KIRREL3: variants seen among roughly 807,000 people sequenced by gnomAD.
The protein encoded by KIRREL3 is kin of IRRE-like protein 3.
A neutral mutation model predicts 89.7 loss-of-function variants in KIRREL3; 36 were observed. That is an observed-to-expected ratio of 0.40 (90% CI 0.31 to 0.53). The LOEUF (loss-of-function observed/expected upper bound fraction) is 0.53, where lower values mean the gene tolerates loss of function less well. KIRREL3 is among the 20% of genes least tolerant of loss of function. KIRREL3 has a pLI of 0.49. For missense variants in KIRREL3, 864 were observed against 1,056.6 expected (o/e 0.82, Z 2.53); for synonymous variants, 445 against 441.4 (o/e 1.01, Z -0.10).
At chr11:126,926,443 G>T (rs547988672) in intron 1 of KIRREL3, among the ~76,000 whole-genome samples, 1 of 152,156 alleles carries the variant, frequency 6.6e-6, no homozygotes, top group South Asian at 2.1e-4. Flanking sequence ...TTGGAGCCAC[G>T]CACCTTCCTC....
At chr11:126,804,021 G>A (rs781161572) in intron 1 of KIRREL3, among the ~76,000 whole-genome samples, 1 of 152,202 alleles carries the variant, frequency 6.6e-6, no homozygotes, top group Non-Finnish European at 1.5e-5. Context: ...GTCTATGTGT[G>A]CATATATGTG....
chr11:126,526,417 A>G lies in KIRREL3; in HGVS notation c.283+121T>C. The G allele has an allele frequency of 2.1e-6, 2 of 964,880 alleles. No individual in the cohort carries two copies. Among genetic ancestry groups the G allele is most frequent in the Non-Finnish European group, 3.1e-6 (2 of 650,836 alleles). The allele number at this position is 964,880 out of a possible 1,614,324, so 59.8% of individuals were successfully genotyped here. ...AGCCTGACTCTGCCTGAGGAGTTGCAGTGAAAGCTAGAGATTCGATACTCA... is the reference window on the plus strand; with the variant it reads ...AGCCTGACTCTGCCTGAGGAGTTGCGGTGAAAGCTAGAGATTCGATACTCA... On this transcript the variant is annotated intron_variant, in intron 3 of 16. Coordinates refer to ENST00000525144, the MANE Select transcript of KIRREL3 (RefSeq NM_032531.4). The surrounding 1 kb of genome is among the most constrained non-coding windows in gnomAD (Gnocchi z 5.7).
Position 126,840,911 on chromosome 11 carries a change from G to C in KIRREL3, c.55+159544C>G, listed in dbSNP as rs140018730. ...AGAAGCTGTAAAGTGCTTTCTATAA[G>C]TGAAAAAGTGAAAGTTCTCAAATGA... On this transcript the variant is annotated intron_variant, in intron 1 of 16. Transcript: ENST00000525144. Among the ~76,000 whole-genome samples the C allele has an allele frequency of 1.6e-3, 239 of 152,296 alleles. 1 individual carries two copies. Among genetic ancestry groups the C allele is most frequent in the African/African-American group, 5.3e-3 (222 of 41,558 alleles).
intron 1 of KIRREL3, among the ~76,000 whole-genome samples, chr11:126,757,649 A>T (rs982994674): frequency 6.6e-6 from 1 of 152,084 alleles, no homozygotes; most frequent in African/African-American, 2.4e-5. Flanking sequence ...CATTATATCA[A>T]CCTTCATTTC....
chr11:126,848,459 G>C (rs57082740), intron 1 of KIRREL3, among the ~76,000 whole-genome samples: 2 of 152,006 alleles, frequency 1.3e-5, no homozygotes, highest in African/African-American at 4.8e-5. Context: ...GGCTGACCCC[G>C]CTTATTCCTG....
At chr11:126,511,358 A>G (rs1958213972) in intron 4 of KIRREL3, among the ~76,000 whole-genome samples, 1 of 150,624 alleles carries the variant, frequency 6.6e-6, no homozygotes, top group African/African-American at 2.4e-5. Context: ...CAAAGAGTGG[A>G]CCCCCCAGGC....
rs1426480256 is a variant in KIRREL3, at chr11:126,653,928, G to A, written c.56-91016C>T. ...ATAGACCTTGTAGCTGCCTCCATGC[G>A]ATTCAGGGGAAGGTGATACCACTTC... On this transcript the variant is annotated intron_variant, in intron 1 of 16. Transcript: ENST00000525144. This position sits in a 1 kb window ranked among gnomAD's most constrained non-coding sequence, Gnocchi z 5.4. Among the ~76,000 whole-genome samples, 1 of 152,132 alleles carries A rather than the reference G, an allele frequency of 6.6e-6. No individual in the cohort carries two copies. Among genetic ancestry groups the A allele is most frequent in the East Asian group, 1.9e-4 (1 of 5,190 alleles).
At position 126,694,505 on chromosome 11, in the gene KIRREL3, C is replaced by T. The variant is rs1947008866; in HGVS notation, c.56-131593G>A. 6.6e-6 allele frequency among the ~76,000 whole-genome samples: 1 copy of T among 152,176 alleles called. No individual in the cohort carries two copies. Among genetic ancestry groups the T allele is most frequent in the Non-Finnish European group, 1.5e-5 (1 of 68,042 alleles). On this transcript the variant is annotated intron_variant, in intron 1 of 16. Transcript: ENST00000525144. The surrounding 1 kb of genome is among the most constrained non-coding windows in gnomAD (Gnocchi z 4.4). Reference sequence around the variant, plus strand: ...GAGCGTGGAGAATGATTGCTCAGGCCTCCATCAGCTCCAGGCGGGTGTGGG... The same window carrying T: ...GAGCGTGGAGAATGATTGCTCAGGCTTCCATCAGCTCCAGGCGGGTGTGGG...
chr11:126,929,904 T>G (rs1043346070), intron 1 of KIRREL3, among the ~76,000 whole-genome samples: 1 of 150,202 alleles, frequency 6.7e-6, no homozygotes, highest in African/African-American at 2.5e-5. Flanking sequence ...CACAAAGAGG[T>G]GAAATGAGAG....
intron 1 of KIRREL3, among the ~76,000 whole-genome samples, chr11:126,926,696 T>TC (rs1947730973): frequency 6.6e-6 from 1 of 152,052 alleles, no homozygotes; most frequent in Non-Finnish European, 1.5e-5. Context: ...TATGAGCATT[T>TC]CCCCCCTGCT....
At chr11:126,827,314 G>A (rs1565331753) in intron 1 of KIRREL3, among the ~76,000 whole-genome samples, 1 of 151,954 alleles carries the variant, frequency 6.6e-6, no homozygotes, top group South Asian at 2.1e-4. Flanking sequence ...AGTAGCTGGG[G>A]CTACAGGTGC....
rs1951368921 is a variant in KIRREL3, at chr11:126,811,048, T to C, written c.55+189407A>G. Among the ~76,000 whole-genome samples the C allele has an allele frequency of 2.0e-5, 3 of 152,302 alleles. No homozygotes were observed. Among genetic ancestry groups the C allele is most frequent in the African/African-American group, 7.2e-5 (3 of 41,570 alleles). ...CGTTCTCTTGGCCACCCAAGCTGTCTGCCTTCCCTGGCTACACCCATGGGC... is the reference window on the plus strand; with the variant it reads ...CGTTCTCTTGGCCACCCAAGCTGTCCGCCTTCCCTGGCTACACCCATGGGC... On this transcript the variant is annotated intron_variant, in intron 1 of 16. Transcript: ENST00000525144. The surrounding 1 kb of genome is among the most constrained non-coding windows in gnomAD (Gnocchi z 4.3).
intron 1 of KIRREL3, among the ~76,000 whole-genome samples, chr11:126,743,412 A>T (rs1041003727): frequency 6.6e-6 from 1 of 152,212 alleles, no homozygotes; most frequent in African/African-American, 2.4e-5. Context: ...GTTTGACATG[A>T]TACTCAACAA....
rs1022199210 is a variant in KIRREL3 at position 126,879,118 on chromosome 11, C to A, written c.55+121337G>T. Among the ~76,000 whole-genome samples, 12 of 152,154 alleles carry A rather than the reference C, an allele frequency of 7.9e-5. No homozygotes were observed. The highest frequency in any genetic ancestry group is 2.9e-4 in the African/African-American group (12 of 41,428). On this transcript the variant is annotated intron_variant, in intron 1 of 16. Transcript: ENST00000525144. The surrounding 1 kb of genome is among the most constrained non-coding windows in gnomAD (Gnocchi z 5.4). Reference sequence around the variant, plus strand: ...GCATCTTTCTTCCCATCACTGACAGCAAAGGGAGGAAATAGTCTGAGTCCA... The same window carrying A: ...GCATCTTTCTTCCCATCACTGACAGAAAAGGGAGGAAATAGTCTGAGTCCA...
rs1951262099 is a variant in KIRREL3 at position 126,808,089 on chromosome 11, G to A, written c.55+192366C>T. On this transcript the variant is annotated intron_variant, in intron 1 of 16. Transcript: ENST00000525144. The surrounding 1 kb of genome is among the most constrained non-coding windows in gnomAD (Gnocchi z 4.1). ...GAGCAAAGATGTTGCACTGCAAGTG[G>A]TAGATGCTCTCCAGGCCAGCTGCAG... Among the ~76,000 whole-genome samples, 1 of 152,320 alleles carries A rather than the reference G, an allele frequency of 6.6e-6. No homozygotes were observed. Among genetic ancestry groups the A allele is most frequent in the African/African-American group, 2.4e-5 (1 of 41,572 alleles).
chr11:126,597,985 C>A lies in KIRREL3; in HGVS notation c.56-35073G>T, dbSNP rs572306480. On this transcript the variant is annotated intron_variant, in intron 1 of 16. Transcript: ENST00000525144. ...AGCAAAGACCTGTGCCTGGCTTAGA[C>A]CCCTAAGAGAAGTAGAGACTTGAGG... Among the ~76,000 whole-genome samples, 99 of 152,328 alleles carry A rather than the reference C, an allele frequency of 6.5e-4. 2 individuals carry two copies. Among genetic ancestry groups the A allele is most frequent in the African/African-American group, 1.9e-3 (80 of 41,576 alleles).
In KIRREL3 at chr11:126,443,731, T is replaced by C. The variant is rs574767806; in HGVS notation, c.1252+1248A>G. Among the ~76,000 whole-genome samples the C allele has an allele frequency of 2.0e-5, 3 of 151,912 alleles. No homozygotes were observed. The South Asian group carries it at 6.3e-4, about 32-fold the overall frequency. On this transcript the variant is annotated intron_variant, in intron 10 of 16. Transcript: ENST00000525144. The surrounding 1 kb of genome is among the most constrained non-coding windows in gnomAD (Gnocchi z 7.3). ...GGCCATCAGCAGGTGGCTTTCTGGG[T>C]AGAGAGGAAGCTGAAGCCCACGAGC... is the stretch of plus-strand genomic sequence containing the variant.
intron 1 of KIRREL3, among the ~76,000 whole-genome samples, chr11:126,960,300 C>T (rs976388350): frequency 6.6e-5 from 10 of 152,252 alleles, no homozygotes; most frequent in African/African-American, 2.2e-4. Context: ...TCCTAACTAC[C>T]TACCATGGGA....
chr11:126,863,023 G>T (rs1944753688), intron 1 of KIRREL3, among the ~76,000 whole-genome samples: 1 of 152,232 alleles, frequency 6.6e-6, no homozygotes, highest in Non-Finnish European at 1.5e-5. Flanking sequence ...AAGGCTTAGG[G>T]AGTGTGATGG....
Sources: gnomAD v4.1 joint callset for allele counts (sites outside exome capture counted in the v4.1 genomes callset) on GRCh38, gnomAD v4.1.1 for gene constraint, Gnocchi (gnomAD v3.1) non-coding constraint, MANE v1.5 for transcripts, NCBI Gene and HGNC (gene_info 2026-07-23, HGNC 2026-07-21) for gene names.